The following WWOX variants were observed in gnomAD, a reference collection of about 807,000 sequenced individuals.
WWOX encodes the protein WW domain-containing oxidoreductase.
A neutral mutation model predicts 46.2 loss-of-function variants in WWOX; 69 were observed. That is an observed-to-expected ratio of 1.49 (90% CI 1.23 to 1.82). The LOEUF (loss-of-function observed/expected upper bound fraction) is 1.82, where lower values mean the gene tolerates loss of function less well. Ranked by LOEUF, WWOX falls within the 40% of genes most tolerant of loss-of-function variation. The pLI, the probability that WWOX is intolerant of heterozygous loss-of-function variation, is 0.00. For missense variants in WWOX, 919 were observed against 542.6 expected (o/e 1.69, Z -6.89); for synonymous variants, 359 against 202.6 (o/e 1.77, Z -6.56).
intron 1 of WWOX, among the ~76,000 whole-genome samples, chr16:78,101,345 C>CATTTTTTTTTTTTT (rs1597193223): frequency 4.0e-5 from 1 of 25,112 alleles, no homozygotes. Context: ...CCGCTCCCGG[C>CATTTTTTTTTTTTT]CTTTTTTTTT....
At position 78,109,824 on chromosome 16, in the gene WWOX, GT is replaced by G; in HGVS notation, c.225del (p.Phe75LeufsTer5). ...AAGAAACTGATGAGAACGGACAAGT[GT>G]TTTTTGTTGAGTAAGTGTCTGCAAA... Reference protein sequence around the residue: ...EQETDENGQVFFVDHINKRTT... With the variant: ...EQETDENGQVXFVDHINKRTT... On this transcript the variant is annotated frameshift_variant, in exon 3 of 9. Transcript: ENST00000566780. LOFTEE classifies it high-confidence loss of function. 6.2e-7 allele frequency: 1 copy of G among 1,614,142 alleles called. No homozygotes were observed. The highest frequency in any genetic ancestry group is 8.5e-7 in the Non-Finnish European group (1 of 1,180,020).
chr16:78,322,099 T>C (rs2151884684), intron 5 of WWOX, among the ~76,000 whole-genome samples: 1 of 152,204 alleles, frequency 6.6e-6, no homozygotes, highest in Admixed American at 6.5e-5. Context: ...TTCAATTTCA[T>C]CCTATATAAA....
chr16:78,103,251 T>TG (rs202233044), intron 1 of WWOX, among the ~76,000 whole-genome samples: 56 of 52,620 alleles, frequency 1.1e-3, no homozygotes, highest in East Asian at 2.8e-3. Flanking sequence ...TGTTTTTTTT[T>TG]TTTTTTTTTT....
intron 6 of WWOX, among the ~76,000 whole-genome samples, chr16:78,407,702 C>G (rs966288557): frequency 6.6e-6 from 1 of 152,156 alleles, no homozygotes; most frequent in Admixed American, 6.5e-5. Context: ...CAACTTCTTC[C>G]CTCCAGCTTC....
chr16:78,861,169 CCT>C (rs774459982), intron 8 of WWOX, among the ~76,000 whole-genome samples: 122 of 152,170 alleles, frequency 8.0e-4, no homozygotes, highest in Non-Finnish European at 1.6e-3. Flanking sequence ...TCTCTTTCTT[CCT>C]CTCTTTGCTT....
intron 8 of WWOX, among the ~76,000 whole-genome samples, chr16:78,904,507 G>C (rs1482049355): frequency 1.3e-5 from 2 of 151,972 alleles, no homozygotes; most frequent in Non-Finnish European, 2.9e-5. Flanking sequence ...AAAGTGCTGG[G>C]ATTACAGGCA....
At chr16:78,951,150 C>G (rs994928134) in intron 8 of WWOX, among the ~76,000 whole-genome samples, 1 of 152,188 alleles carries the variant, frequency 6.6e-6, no homozygotes, top group Non-Finnish European at 1.5e-5. Flanking sequence ...TGATTGGCAA[C>G]TGGGAAGCCT....
chr16:78,934,880 A>G (rs927598186), intron 8 of WWOX, among the ~76,000 whole-genome samples: 1 of 152,184 alleles, frequency 6.6e-6, no homozygotes, highest in Non-Finnish European at 1.5e-5. Flanking sequence ...CGGGTGCATC[A>G]CTTGAGCCCA....
At chr16:78,365,201 C>T (rs2081506568) in intron 5 of WWOX, among the ~76,000 whole-genome samples, 1 of 152,144 alleles carries the variant, frequency 6.6e-6, no homozygotes, top group African/African-American at 2.4e-5. Context: ...CAGTTTAGTG[C>T]CTGCCAAGAG....
chr16:79,010,388 C>T (rs899418479), intron 8 of WWOX, among the ~76,000 whole-genome samples: 1 of 152,088 alleles, frequency 6.6e-6, no homozygotes, highest in African/African-American at 2.4e-5. Flanking sequence ...TCTGGAACCC[C>T]AGGACTCAAA....
At chr16:78,956,648 C>A (rs1227812582) in intron 8 of WWOX, among the ~76,000 whole-genome samples, 1 of 152,108 alleles carries the variant, frequency 6.6e-6, no homozygotes, top group East Asian at 1.9e-4. Flanking sequence ...CGAATAATTT[C>A]ATTGCCCTAA....
chr16:78,901,314 A>T (rs550688594), intron 8 of WWOX, among the ~76,000 whole-genome samples: 2 of 152,262 alleles, frequency 1.3e-5, no homozygotes, highest in Non-Finnish European at 2.9e-5. Flanking sequence ...AGACTATGTC[A>T]TGAAAGCTTT....
At chr16:78,558,143 G>A (rs2151553601) in intron 8 of WWOX, among the ~76,000 whole-genome samples, 1 of 152,234 alleles carries the variant, frequency 6.6e-6, no homozygotes, top group East Asian at 1.9e-4. Flanking sequence ...TCACTCCTGG[G>A]CAGCAGCTGC....
At chr16:78,564,696 C>G (rs914310714) in intron 8 of WWOX, among the ~76,000 whole-genome samples, 3 of 152,152 alleles carry the variant, frequency 2.0e-5, no homozygotes, top group African/African-American at 7.2e-5. Context: ...TTTCTGGCAC[C>G]CTTCTTCCTG....
chr16:78,386,548 C>T lies in WWOX; in HGVS notation c.517-312C>T, dbSNP rs183987050. ...CCCCTCCTTACAGCGTTTTAGGATGCAGATTGAGAGGAGATAACGTTAGCC... is the reference window on the plus strand; with the variant it reads ...CCCCTCCTTACAGCGTTTTAGGATGTAGATTGAGAGGAGATAACGTTAGCC... On this transcript the variant is annotated intron_variant, in intron 5 of 8. Transcript: ENST00000566780. Among the ~76,000 whole-genome samples the T allele has an allele frequency of 2.3e-3, 345 of 152,196 alleles. 4 individuals carry two copies. Among genetic ancestry groups the T allele is most frequent in the African/African-American group, 7.8e-3 (322 of 41,528 alleles).
chr16:78,849,743 T>C (rs900787498), intron 8 of WWOX, among the ~76,000 whole-genome samples: 2 of 151,808 alleles, frequency 1.3e-5, no homozygotes, highest in Non-Finnish European at 2.9e-5. Flanking sequence ...AGGTTTATAT[T>C]GTTCTTACCT....
intron 8 of WWOX, among the ~76,000 whole-genome samples, chr16:78,909,205 GT>G (rs1177720809): frequency 6.6e-6 from 1 of 152,168 alleles, no homozygotes; most frequent in East Asian, 1.9e-4. Context: ...TGCAAAGGCT[GT>G]TTTAATAACA....
intron 8 of WWOX, among the ~76,000 whole-genome samples, chr16:79,089,342 T>A (rs2048910967): frequency 6.6e-6 from 1 of 151,784 alleles, no homozygotes; most frequent in South Asian, 2.1e-4. Flanking sequence ...CCTTTTTTTT[T>A]TTTTTTTGAG....
chr16:78,169,262 C>G (rs12923504), intron 5 of WWOX, among the ~76,000 whole-genome samples: 20,563 of 152,198 alleles, frequency 0.14, 1,515 homozygotes, highest in East Asian at 0.26. Context: ...TTTCAAGATG[C>G]AGTGGACTCT....
Sources: allele counts gnomAD v4.1 joint callset (sites outside exome capture counted in the v4.1 genomes callset), GRCh38; gene constraint gnomAD v4.1.1; transcripts MANE v1.5; gene names NCBI Gene and HGNC (gene_info 2026-07-23, HGNC 2026-07-21).